The following EYS variants were observed in gnomAD, a reference collection of about 807,000 sequenced individuals.
The protein encoded by EYS is protein eyes shut homolog.
Under a neutral mutation model 282.1 loss-of-function variants are expected in EYS, and 250 were observed. The ratio of observed to expected loss-of-function variants is 0.89; its 90% confidence interval spans 0.80 to 0.98. The LOEUF (loss-of-function observed/expected upper bound fraction) is 0.98, where lower values mean the gene tolerates loss of function less well. Ranked by LOEUF, EYS falls within the 50% of genes least tolerant of loss-of-function variation. EYS has a pLI of 0.00. For missense variants in EYS, 4,016 were observed against 3,709.0 expected, an observed-to-expected ratio of 1.08 and a Z score of -2.15; for synonymous variants, 1,355 against 1,282.9, an observed-to-expected ratio of 1.06 and a Z score of -1.20.
chr6:65,520,750 T>C (rs1055894962), intron 2 of EYS, among the ~76,000 whole-genome samples: 1 of 152,034 alleles, frequency 6.6e-6, no homozygotes, highest in Non-Finnish European at 1.5e-5. Context: ...GTCTATCCTA[T>C]TTACAGGGTC....
intron 22 of EYS, among the ~76,000 whole-genome samples, chr6:64,748,885 G>T (rs1293068853): frequency 6.6e-6 from 1 of 152,162 alleles, no homozygotes; most frequent in East Asian, 1.9e-4. Flanking sequence ...CAATTCCCCT[G>T]CCCCAGCCTC....
chr6:64,046,057 T>A (rs1458147485), intron 33 of EYS, among the ~76,000 whole-genome samples: 1 of 147,834 alleles, frequency 6.8e-6, no homozygotes, highest in Non-Finnish European at 1.5e-5. Flanking sequence ...ATAATATATG[T>A]ATTATATTTT....
At chr6:64,059,657 A>G (rs1336884441) in intron 33 of EYS, among the ~76,000 whole-genome samples, 1 of 152,210 alleles carries the variant, frequency 6.6e-6, no homozygotes, top group Non-Finnish European at 1.5e-5. Context: ...TAAAATTACC[A>G]ACTTACAGAT....
At chr6:64,237,078 C>G (rs1766632939) in intron 30 of EYS, among the ~76,000 whole-genome samples, 1 of 152,118 alleles carries the variant, frequency 6.6e-6, no homozygotes, top group South Asian at 2.1e-4. Context: ...TACATAGTAA[C>G]AACTTTTACT....
At chr6:65,338,160 A>G (rs937052425) in intron 10 of EYS, among the ~76,000 whole-genome samples, 7 of 151,268 alleles carry the variant, frequency 4.6e-5, no homozygotes, top group African/African-American at 1.7e-4. Flanking sequence ...GTTATGTACT[A>G]TATCTAAAAA....
At chr6:65,043,589 T>G (rs1773005920) in intron 13 of EYS, among the ~76,000 whole-genome samples, 1 of 151,528 alleles carries the variant, frequency 6.6e-6, no homozygotes, top group Non-Finnish European at 1.5e-5. Flanking sequence ...TTTTGCTCTC[T>G]GCTACTATGA....
Position 65,612,015 on chromosome 6 carries a change from T to C in EYS, c.-333+27763A>G, listed in dbSNP as rs1766018654. ...ATTTGCATATATAAGCCATTTAAAA[T>C]GGCCCTAACAATACTTATTATCTTA... On this transcript the variant is annotated intron_variant, in intron 2 of 42. Transcript: ENST00000503581. Among the ~76,000 whole-genome samples, 3 of 152,022 alleles carry C rather than the reference T, an allele frequency of 2.0e-5. No individual in the cohort carries two copies. In the East Asian group the frequency reaches 5.8e-4, roughly 29 times the overall value.
chr6:64,813,522 C>T lies in EYS; in HGVS notation c.3299G>A (p.Gly1100Glu), dbSNP rs1168933491. 1.3e-6 allele frequency: 2 copies of T among 1,550,272 alleles called. No individual in the cohort carries two copies. Among genetic ancestry groups the T allele is most frequent in the East Asian group, 4.9e-5 (2 of 40,872 alleles). Reference protein sequence around the residue: ...NEGFCQKSAHGFTCICPRGYT... With the variant: ...NEGFCQKSAHEFTCICPRGYT... ...TCCACGTGGGCAAATGCAAGTAAATCCATGTGCTGACTTCTGACAGAAGCC... is the reference window on the plus strand; with the variant it reads ...TCCACGTGGGCAAATGCAAGTAAATTCATGTGCTGACTTCTGACAGAAGCC... Residue 1100 changes from glycine (G) to glutamate (E), a missense_variant, in exon 22 of 43, where the codon GGA becomes GAA. Coordinates refer to ENST00000503581, the MANE Select transcript of EYS (RefSeq NM_001142800.2).
chr6:63,774,495 C>CA (rs560871899), intron 40 of EYS, among the ~76,000 whole-genome samples: 143 of 152,214 alleles, frequency 9.4e-4, no homozygotes, highest in African/African-American at 3.2e-3. Flanking sequence ...TAAAGGGACA[C>CA]ATCTGCATAT....
chr6:64,888,140 A>T (rs1767158958), intron 18 of EYS, among the ~76,000 whole-genome samples: 1 of 151,840 alleles, frequency 6.6e-6, no homozygotes, highest in Non-Finnish European at 1.5e-5. Flanking sequence ...AGTAGGGGAG[A>T]GGGGATAGGA....
chr6:64,801,060 C>T (rs1054014215), intron 22 of EYS, among the ~76,000 whole-genome samples: 1 of 151,928 alleles, frequency 6.6e-6, no homozygotes, highest in African/African-American at 2.4e-5. Context: ...ACTAATTCTA[C>T]TTCAATTTTT....
chr6:65,406,678 C>T (rs1766753271), intron 5 of EYS, among the ~76,000 whole-genome samples: 1 of 152,008 alleles, frequency 6.6e-6, no homozygotes, highest in Non-Finnish European at 1.5e-5. Context: ...GACTGTCCTT[C>T]CCTCATTTCT....
Position 63,792,517 on chromosome 6 carries a change from A to C in EYS, c.7412-3293T>G, listed in dbSNP as rs908092357. ...GACGAGTTAATGGGTGCAGTACACC[A>C]ACATTGCACATGTATACATATGTAA... On this transcript the variant is annotated intron_variant, in intron 37 of 42. Transcript: ENST00000503581. Among the ~76,000 whole-genome samples, 7 of 152,156 alleles carry C rather than the reference A, an allele frequency of 4.6e-5. No homozygotes were observed. The East Asian group carries it at 1.3e-3, about 29-fold the overall frequency.
At chr6:64,030,911 C>G (rs1220963281) in intron 33 of EYS, among the ~76,000 whole-genome samples, 1 of 152,222 alleles carries the variant, frequency 6.6e-6, no homozygotes, top group Non-Finnish European at 1.5e-5. Flanking sequence ...CCTTCATCGT[C>G]CCTATCCAGC....
intron 26 of EYS, among the ~76,000 whole-genome samples, chr6:64,503,834 T>C (rs1777128366): frequency 6.6e-6 from 1 of 152,148 alleles, no homozygotes; most frequent in Admixed American, 6.5e-5. Context: ...TGGGAGGTAA[T>C]TGGACCCTGG....
chr6:64,543,171 T>C (rs1764742051), intron 26 of EYS, among the ~76,000 whole-genome samples: 1 of 152,152 alleles, frequency 6.6e-6, no homozygotes, highest in Non-Finnish European at 1.5e-5. Context: ...GCTTTAAGTT[T>C]CAAAGGAGAA....
In EYS at chr6:64,066,349, A is replaced by G. The variant is rs1378886659; in HGVS notation, c.6714T>C (p.Pro2238=). The part of the protein sequence containing the change: ...NYSINTNAFT[P]ITIRYTTPVG... ...AGTACAGTACTTACCGTATTGTGATAGGGGTGAATGCATTTGTGTTAATGC... is the reference window on the plus strand; with the variant it reads ...AGTACAGTACTTACCGTATTGTGATGGGGGTGAATGCATTTGTGTTAATGC... The change falls in exon 33 of 43, where the codon CCT becomes CCC. Residue 2238 remains proline (P), a synonymous_variant. Transcript: ENST00000503581. The G allele has an allele frequency of 6.4e-7, 1 of 1,550,744 alleles. No homozygotes were observed. The highest frequency in any genetic ancestry group is 8.7e-7 in the Non-Finnish European group (1 of 1,146,580).
chr6:64,765,397 T>G (rs569666878), intron 22 of EYS, among the ~76,000 whole-genome samples: 2 of 152,326 alleles, frequency 1.3e-5, no homozygotes, highest in African/African-American at 4.8e-5. Context: ...CCTGCATCTT[T>G]CTGTCTCCTT....
chr6:63,755,251 A>ACG (rs1490964382), intron 41 of EYS, among the ~76,000 whole-genome samples: 4 of 152,132 alleles, frequency 2.6e-5, no homozygotes, highest in Non-Finnish European at 2.9e-5. Flanking sequence ...TGTTTTAGTT[A>ACG]TGAAGTCTTT....
Sources: gnomAD v4.1 joint callset for allele counts (sites outside exome capture counted in the v4.1 genomes callset) on GRCh38, gnomAD v4.1.1 for gene constraint, MANE v1.5 for transcripts, NCBI Gene and HGNC (gene_info 2026-07-23, HGNC 2026-07-21) for gene names.